CNTLN: variants seen among roughly 807,000 people sequenced by gnomAD.
The protein encoded by CNTLN is centlein, centrosomal protein.
Under a neutral mutation model 180.0 loss-of-function variants are expected in CNTLN, and 212 were observed. That is an observed-to-expected ratio of 1.18 (90% CI 1.05 to 1.32). The LOEUF (loss-of-function observed/expected upper bound fraction) is 1.32, where lower values mean the gene tolerates loss of function less well. Among genes scored for constraint, CNTLN ranks in the 40% most tolerant of loss-of-function variants. The probability of loss-of-function intolerance (pLI) is 0.00; values close to 1 mark genes in which losing one functional copy is unlikely to be tolerated. For synonymous variants in CNTLN, 722 were observed against 563.1 expected, an observed-to-expected ratio of 1.28 and a Z score of -3.99; for missense variants, 2,095 against 1,610.9, an observed-to-expected ratio of 1.30 and a Z score of -5.14.
chr9:17,234,914 A>T (rs1825043129), intron 3 of CNTLN, among the ~76,000 whole-genome samples: 1 of 152,182 alleles, frequency 6.6e-6, no homozygotes, highest in Non-Finnish European at 1.5e-5. Context: ...AGACAATCCA[A>T]AGGGAGAGGT....
At chr9:17,408,395 A>G (rs949191840) in intron 15 of CNTLN, among the ~76,000 whole-genome samples, 4 of 151,916 alleles carry the variant, frequency 2.6e-5, no homozygotes, top group African/African-American at 9.7e-5. Context: ...TATGTATTTT[A>G]CTAAGTATTC....
chr9:17,352,499 T>A (rs797001813), intron 12 of CNTLN, among the ~76,000 whole-genome samples: 3 of 150,602 alleles, frequency 2.0e-5, no homozygotes, highest in African/African-American at 7.3e-5. Context: ...TAGCAAAAAA[T>A]GTCTGCCAAT....
chr9:17,308,317 TCA>T (rs879315999), intron 7 of CNTLN, among the ~76,000 whole-genome samples: 6 of 152,162 alleles, frequency 3.9e-5, no homozygotes, highest in Non-Finnish European at 7.4e-5. Flanking sequence ...TTCTATTTTT[TCA>T]CAGTTTAAGG....
intron 19 of CNTLN, among the ~76,000 whole-genome samples, chr9:17,460,249 G>T (rs1033495099): frequency 2.6e-5 from 4 of 151,506 alleles, no homozygotes; most frequent in Non-Finnish European, 5.9e-5. Flanking sequence ...AAACCATCTG[G>T]CTCCATAGTC....
chr9:17,307,466 C>A (rs896511876), intron 7 of CNTLN, among the ~76,000 whole-genome samples: 1 of 151,968 alleles, frequency 6.6e-6, no homozygotes. Flanking sequence ...GACGGGGATT[C>A]GTCATATTGC....
At chr9:17,340,775 A>T in intron 10 of CNTLN, 52 bp from the exon 11 acceptor site, 2 of 1,480,688 alleles carry the variant, frequency 1.4e-6, no homozygotes, top group East Asian at 2.4e-5. Context: ...TTGAAACATT[A>T]TATTAATACT....
chr9:17,469,173 T>G (rs984053224), intron 23 of CNTLN, among the ~76,000 whole-genome samples: 3 of 151,790 alleles, frequency 2.0e-5, no homozygotes, highest in Admixed American at 6.6e-5. Flanking sequence ...GTTAACGAAG[T>G]GATTATTATA....
Position 17,481,668 on chromosome 9 carries a change from A to C in CNTLN, c.3856-2627A>C, listed in dbSNP as rs1041216570. ...TATCCTGGATGCCCCCCAACTGTGG[A>C]TGATTATGAAGCCTACCTGCAGCCC... On this transcript the variant is annotated intron_variant, in intron 23 of 25. Transcript: ENST00000380647. Among the ~76,000 whole-genome samples, 10 of 152,184 alleles carry C rather than the reference A, an allele frequency of 6.6e-5. 1 individual carries two copies. Among genetic ancestry groups the C allele is most frequent in the Non-Finnish European group, 5.9e-5 (4 of 68,022 alleles).
chr9:17,213,448 C>G (rs1324440611), intron 2 of CNTLN, among the ~76,000 whole-genome samples: 1 of 152,128 alleles, frequency 6.6e-6, no homozygotes, highest in Non-Finnish European at 1.5e-5. Context: ...TGTTATTTTA[C>G]ATTTGCTGAG....
intron 21 of CNTLN, among the ~76,000 whole-genome samples, chr9:17,465,754 C>G (rs932265521): frequency 9.3e-5 from 14 of 151,100 alleles, no homozygotes; most frequent in African/African-American, 3.4e-4. Context: ...AATAAACATA[C>G]CAGTATTCAT....
intron 12 of CNTLN, among the ~76,000 whole-genome samples, chr9:17,343,120 G>T (rs544633047): frequency 6.6e-6 from 1 of 152,174 alleles, no homozygotes; most frequent in Admixed American, 6.5e-5. Context: ...CTTGATGAAG[G>T]ATACTCATAT....
chr9:17,184,357 A>C (rs2131749699), intron 2 of CNTLN, among the ~76,000 whole-genome samples: 2 of 152,314 alleles, frequency 1.3e-5, no homozygotes, highest in African/African-American at 4.8e-5. Context: ...AACAAATTTC[A>C]AACATTTTTA....
At chr9:17,333,818 G>C (rs1310480510) in intron 10 of CNTLN, among the ~76,000 whole-genome samples, 1 of 152,100 alleles carries the variant, frequency 6.6e-6, no homozygotes, top group Non-Finnish European at 1.5e-5. Flanking sequence ...AAACACCTAA[G>C]TTATTCTCTT....
At chr9:17,329,388 C>T (rs1209944495) in intron 8 of CNTLN, among the ~76,000 whole-genome samples, 2 of 151,818 alleles carry the variant, frequency 1.3e-5, no homozygotes, top group Non-Finnish European at 2.9e-5. Context: ...AAGAATAGGG[C>T]AAAATCATTT....
chr9:17,521,295 G>GAGAGAGAGAGAC, the CNTLN span, among the ~76,000 whole-genome samples: 25 of 149,046 alleles, frequency 1.7e-4, no homozygotes, highest in Non-Finnish European at 3.0e-5. Flanking sequence ...GAGAGAGAGA[G>GAGAGAGAGAGAC]GAAATGGAAC....
At chr9:17,141,156 C>T (rs951650076) in intron 1 of CNTLN, among the ~76,000 whole-genome samples, 2 of 152,120 alleles carry the variant, frequency 1.3e-5, no homozygotes, top group Non-Finnish European at 2.9e-5. Context: ...GGAGGTTGGT[C>T]TGTTACTTGG....
chr9:17,290,779 C>G (rs542771129), intron 6 of CNTLN, among the ~76,000 whole-genome samples: 3 of 151,754 alleles, frequency 2.0e-5, no homozygotes, highest in South Asian at 2.1e-4. Flanking sequence ...TTTCCAGGTG[C>G]GTCTGTCACC....
intron 18 of CNTLN, among the ~76,000 whole-genome samples, chr9:17,427,557 A>G (rs1027502091): frequency 2.0e-5 from 3 of 151,962 alleles, no homozygotes; most frequent in African/African-American, 7.2e-5. Context: ...TTTTTTTCTA[A>G]ATTATTTACT....
intron 2 of CNTLN, among the ~76,000 whole-genome samples, chr9:17,224,990 CCTAT>C (rs142871143): frequency 0.038 from 5,817 of 151,846 alleles, 158 homozygotes; most frequent in South Asian, 0.14. Flanking sequence ...TTAACTAATG[CCTAT>C]CTTTTTTTCT....
Sources: allele counts gnomAD v4.1 joint callset (sites outside exome capture counted in the v4.1 genomes callset), GRCh38; gene constraint gnomAD v4.1.1; transcripts MANE v1.5; gene names NCBI Gene and HGNC (gene_info 2026-07-23, HGNC 2026-07-21).